Variants in GRID1 observed in about 807,000 individuals in gnomAD.
GRID1 encodes glutamate ionotropic receptor delta type subunit 1.
A neutral mutation model predicts 98.0 loss-of-function variants in GRID1; 28 were observed. The observed-to-expected ratio is 0.29, with a 90% CI of 0.21 to 0.39. The LOEUF is 0.39. Ranked by LOEUF, GRID1 falls within the 10% of genes least tolerant of loss-of-function variation. GRID1 has a pLI of 1.00. For synonymous variants in GRID1, 553 were observed against 538.5 expected (o/e 1.03, Z -0.37); for missense variants, 1,111 against 1,340.5 (o/e 0.83, Z 2.67).
chr10:85,755,201 T>C (rs1425283728), intron 8 of GRID1, among the ~76,000 whole-genome samples: 1 of 152,206 alleles, frequency 6.6e-6, no homozygotes, highest in Non-Finnish European at 1.5e-5. Context: ...AGCATTTCAG[T>C]TACCTATTGA....
chr10:85,875,064 G>C (rs1843315570), intron 5 of GRID1, among the ~76,000 whole-genome samples: 1 of 151,984 alleles, frequency 6.6e-6, no homozygotes. Flanking sequence ...ATTTTTAGTA[G>C]AGACGGGGTT....
intron 2 of GRID1, among the ~76,000 whole-genome samples, chr10:86,281,345 C>T (rs1847354355): frequency 1.3e-5 from 2 of 152,196 alleles, no homozygotes; most frequent in African/African-American, 2.4e-5. Context: ...AGAGCTGCAC[C>T]TATTGCAGCC....
chr10:86,206,505 C>T lies in GRID1; in HGVS notation c.379G>A (p.Ala127Thr), dbSNP rs148951309. 80 of 1,614,082 alleles carry T rather than the reference C, an allele frequency of 5.0e-5. No individual in the cohort carries two copies. The highest frequency in any genetic ancestry group is 4.3e-4 in the Admixed American group (26 of 60,012). ...QRNPGGSPRT[A>T]CHLNPSPDGE... ...TCGGGGCTGGGGTTCAGGTGGCATG[C>T]GGTGCGTGGCGACCCTCCCGGGTTG... The change falls in exon 3 of 16, where the codon GCA (alanine) becomes ACA (threonine). Residue 127 changes from alanine to threonine, a missense_variant. Coordinates refer to ENST00000327946, the MANE Select transcript of GRID1 (RefSeq NM_017551.3). The surrounding 1 kb of genome is among the most constrained non-coding windows in gnomAD (Gnocchi z 4.1).
intron 2 of GRID1, among the ~76,000 whole-genome samples, chr10:86,304,617 C>G (rs1216568592): frequency 6.6e-6 from 1 of 152,226 alleles, no homozygotes; most frequent in Non-Finnish European, 1.5e-5. Context: ...AGCTAACACA[C>G]TGGTAAGGTA....
intron 2 of GRID1, among the ~76,000 whole-genome samples, chr10:86,300,299 G>A (rs891804336): frequency 5.3e-5 from 8 of 151,576 alleles, no homozygotes; most frequent in African/African-American, 1.9e-4. Flanking sequence ...AATTTGATAT[G>A]GTAGCCCTAG....
At chr10:86,178,363 AG>A (rs1455424533) in intron 3 of GRID1, among the ~76,000 whole-genome samples, 1 of 152,022 alleles carries the variant, frequency 6.6e-6, no homozygotes. Context: ...GGAGCAGTGG[AG>A]GGAGGACAGG....
At position 85,771,925 on chromosome 10, in the gene GRID1, T is replaced by A. The variant is rs147606054; in HGVS notation, c.1234-42311A>T. ...TTAGACAGATCAACGAGACAGAAAG[T>A]TAACAAGGATACCCAGGAATTGAAC... On this transcript the variant is annotated intron_variant, in intron 8 of 15. Transcript: ENST00000327946. 2.2e-4 allele frequency among the ~76,000 whole-genome samples: 33 copies of A among 151,966 alleles called. 1 individual carries two copies. The East Asian group carries it at 6.4e-3, about 29-fold the overall frequency.
At chr10:86,218,350 C>T (rs920047433) in intron 2 of GRID1, among the ~76,000 whole-genome samples, 3 of 152,068 alleles carry the variant, frequency 2.0e-5, no homozygotes, top group Admixed American at 6.6e-5. Context: ...GACCAGGATG[C>T]CCCCTGCTAG....
intron 8 of GRID1, 78 bp downstream of exon 8, chr10:85,854,418 C>A (rs577503269): frequency 2.3e-4 from 309 of 1,363,350 alleles, no homozygotes; most frequent in Middle Eastern, 1.5e-3. Flanking sequence ...TTGCTGGGAG[C>A]TCAGGGACCC....
At chr10:85,902,143 G>C (rs1400538840) in intron 5 of GRID1, among the ~76,000 whole-genome samples, 2 of 152,146 alleles carry the variant, frequency 1.3e-5, no homozygotes, top group Non-Finnish European at 2.9e-5. Flanking sequence ...CTTATCCTCG[G>C]GGAATGCATT....
chr10:86,100,085 C>A (rs1844274585), intron 4 of GRID1, among the ~76,000 whole-genome samples: 1 of 152,146 alleles, frequency 6.6e-6, no homozygotes, highest in Admixed American at 6.5e-5. Context: ...GGCAAAGAGA[C>A]CCTGACTCAC....
At chr10:86,042,714 T>C (rs1293677058) in intron 4 of GRID1, among the ~76,000 whole-genome samples, 1 of 152,168 alleles carries the variant, frequency 6.6e-6, no homozygotes, top group East Asian at 1.9e-4. Flanking sequence ...ACTCAGAGCA[T>C]CTTCATCTTT....
chr10:85,605,248 C>G (rs149224515), intron 15 of GRID1: 1 of 152,068 alleles, frequency 6.6e-6, no homozygotes. Context: ...ATCGTTTTGG[C>G]GAATATTTGT....
At position 86,138,381 on chromosome 10, in the gene GRID1, C is replaced by T. The variant is rs550135252; in HGVS notation, c.726+438G>A. ...TAAGAACATCTAATGTATCCTTCAA[C>T]GATAGGCAAAGACACCTCCTCCAGG... On this transcript the variant is annotated intron_variant, in intron 4 of 15. Transcript: ENST00000327946. Among the ~76,000 whole-genome samples the T allele has an allele frequency of 6.6e-5, 10 of 152,270 alleles. No homozygotes were observed. In the East Asian group the frequency reaches 9.6e-4, roughly 15 times the overall value.
chr10:85,936,031 A>G (rs1283530547), intron 4 of GRID1, among the ~76,000 whole-genome samples: 1 of 152,124 alleles, frequency 6.6e-6, no homozygotes, highest in Non-Finnish European at 1.5e-5. Flanking sequence ...AGGGTCCATC[A>G]TCTGCAACAC....
At chr10:86,164,718 T>C (rs1589393880) in intron 3 of GRID1, among the ~76,000 whole-genome samples, 6 of 152,176 alleles carry the variant, frequency 3.9e-5, no homozygotes, top group African/African-American at 1.4e-4. Context: ...GGGAACAACA[T>C]TCAGGCAGAT....
intron 13 of GRID1, among the ~76,000 whole-genome samples, chr10:85,635,348 A>G (rs1843026229): frequency 6.6e-6 from 1 of 152,160 alleles, no homozygotes; most frequent in Non-Finnish European, 1.5e-5. Context: ...AACTCAGTCA[A>G]TTGTATGGCA....
intron 12 of GRID1, among the ~76,000 whole-genome samples, chr10:85,680,881 G>T (rs1468047272): frequency 6.6e-6 from 1 of 152,168 alleles, no homozygotes; most frequent in Non-Finnish European, 1.5e-5. Context: ...GAATAACTCA[G>T]AAATAGAAAG....
intron 4 of GRID1, among the ~76,000 whole-genome samples, chr10:86,044,308 C>T (rs1219034458): frequency 1.3e-5 from 2 of 152,194 alleles, no homozygotes; most frequent in Non-Finnish European, 2.9e-5. Context: ...TACTTGCTTG[C>T]TAATCATAGC....
Sources: gnomAD v4.1 joint callset for allele counts (sites outside exome capture counted in the v4.1 genomes callset) on GRCh38, gnomAD v4.1.1 for gene constraint, Gnocchi (gnomAD v3.1) non-coding constraint, MANE v1.5 for transcripts, NCBI Gene and HGNC (gene_info 2026-07-23, HGNC 2026-07-21) for gene names.